NPIPB2: variants seen among roughly 807,000 people sequenced by gnomAD.
NPIPB2 encodes the protein nuclear pore complex interacting protein family member B2.
Under a neutral mutation model 30.8 loss-of-function variants are expected in NPIPB2, and 27 were observed. That is an observed-to-expected ratio of 0.88 (90% CI 0.65 to 1.21). NPIPB2 has a LOEUF of 1.21. Ranked by LOEUF, NPIPB2 falls within the 50% of genes most tolerant of loss-of-function variation. The pLI is 0.00. For synonymous variants in NPIPB2, 147 were observed against 162.0 expected (o/e 0.91, Z 0.70); for missense variants, 440 against 446.2 (o/e 0.99, Z 0.13).
chr16:11,971,929 G>A (rs545118904), intron 1 of NPIPB2, among the ~76,000 whole-genome samples: 1 of 151,278 alleles, frequency 6.6e-6, no homozygotes, highest in South Asian at 2.1e-4. Context: ...GGTGGATCAC[G>A]AGGTCAGGAG....
exon 5 of NPIPB2, chr16:11,930,505 C>T (rs780183005): frequency 2.5e-6 from 4 of 1,587,626 alleles, no homozygotes; most frequent in Admixed American, 1.7e-5. Flanking sequence ...GCCTCTGACA[C>T]CTGCCTCTCC....
chr16:11,972,635 G>A (rs967353314), intron 1 of NPIPB2, among the ~76,000 whole-genome samples: 1 of 152,126 alleles, frequency 6.6e-6, no homozygotes, highest in African/African-American at 2.4e-5. Context: ...AGCACTTTGG[G>A]AGGCTGAGGC....
At chr16:11,972,507 G>A (rs920222328) in intron 1 of NPIPB2, among the ~76,000 whole-genome samples, 16 of 151,008 alleles carry the variant, frequency 1.1e-4, no homozygotes, top group African/African-American at 2.2e-4. Flanking sequence ...CCTGGGAGGC[G>A]GAGGTTGCAG....
At chr16:11,970,533 A>AT (rs139434065) in intron 1 of NPIPB2, among the ~76,000 whole-genome samples, 19 of 149,152 alleles carry the variant, frequency 1.3e-4, no homozygotes, top group South Asian at 2.1e-4. Flanking sequence ...TAAAATCAGC[A>AT]TTTTTTTTTT....
At chr16:11,952,293 A>T (rs2055074578) in intron 1 of NPIPB2, among the ~76,000 whole-genome samples, 2 of 151,746 alleles carry the variant, frequency 1.3e-5, no homozygotes, top group African/African-American at 4.8e-5. Flanking sequence ...GCTTGAAGTG[A>T]GCAGAGATCG....
rs1224992357 is a variant in NPIPB2, at chr16:11,941,212, A to G, written c.63+771T>C. The G allele has an allele frequency of 2.0e-6, 3 of 1,525,434 alleles. No individual in the cohort carries two copies. The East Asian group carries it at 7.7e-5, about 39-fold the overall frequency. The allele number at this position is 1,525,434 out of a possible 1,614,324, so 94.5% of individuals were successfully genotyped here. On this transcript the variant is annotated intron_variant, in intron 1 of 7. Coordinates refer to ENST00000399147, the Ensembl canonical transcript of NPIPB2. ...GATAAATTCCAGCAGGAGCCAAAAG[A>G]GGAGCCAAAAGAGCATCCACAGCAC...
chr16:11,940,348 CAAATAAAT>C (rs1227562956), intron 1 of NPIPB2, among the ~76,000 whole-genome samples: 1 of 119,458 alleles, frequency 8.4e-6, no homozygotes, highest in Non-Finnish European at 1.9e-5. Context: ...GAAACTGTCT[CAAATAAAT>C]AAATAAATAA....
chr16:11,950,650 G>A (rs2055053499), intron 1 of NPIPB2, among the ~76,000 whole-genome samples: 1 of 152,104 alleles, frequency 6.6e-6, no homozygotes, highest in African/African-American at 2.4e-5. Flanking sequence ...AAGCCTGGCT[G>A]TGAATAACAG....
intron 1 of NPIPB2, chr16:11,966,109 T>C: frequency 7.2e-7 from 1 of 1,389,368 alleles, no homozygotes; most frequent in South Asian, 1.5e-5. Context: ...AGACTTTGTC[T>C]CAAAATAAAT....
At chr16:11,966,240 G>A (rs150754620) in intron 1 of NPIPB2, 651 of 1,613,920 alleles carry the variant, frequency 4.0e-4, no homozygotes, top group Non-Finnish European at 5.3e-4. Flanking sequence ...CTCTGGACCT[G>A]TTTGGGACTG....
At chr16:11,957,294 A>G (rs1247560994) in intron 1 of NPIPB2, among the ~76,000 whole-genome samples, 1 of 150,974 alleles carries the variant, frequency 6.6e-6, no homozygotes, top group Non-Finnish European at 1.5e-5. Flanking sequence ...CCTCCCGAGT[A>G]GCTGGGACTA....
chr16:11,965,206 G>A (rs888178970), intron 1 of NPIPB2: 1 of 1,385,558 alleles, frequency 7.2e-7, no homozygotes, highest in East Asian at 2.3e-5. Context: ...AGCAGGCGAA[G>A]TTCATTGTTC....
At position 11,927,673 on chromosome 16, in the gene NPIPB2, C is replaced by T. The variant is rs1266448736; in HGVS notation, c.894G>A (p.Lys298=). Reference sequence around the variant, plus strand: ...GAGTGAGCAGACACTCGGGAGGTGTCTTGAGATTATCATCCGCTGAGGGTG... The same window carrying T: ...GAGTGAGCAGACACTCGGGAGGTGTTTTGAGATTATCATCCGCTGAGGGTG... Residue 298 remains lysine (K), a synonymous_variant, in exon 8 of 8, where the codon AAG becomes AAA. Transcript: ENST00000399147. 4 of 1,597,944 alleles carry T rather than the reference C, an allele frequency of 2.5e-6. No individual in the cohort carries two copies. The Admixed American group carries it at 5.0e-5, about 20-fold the overall frequency.
At chr16:11,975,416 G>A (rs2055277499) in intron 1 of NPIPB2, among the ~76,000 whole-genome samples, 2 of 151,568 alleles carry the variant, frequency 1.3e-5, no homozygotes, top group East Asian at 2.0e-4. Context: ...CAAAGTGCTG[G>A]GATTACAGGC....
intron 1 of NPIPB2, chr16:11,968,131 G>A (rs949729898): frequency 1.8e-5 from 6 of 341,170 alleles, no homozygotes; most frequent in Non-Finnish European, 3.2e-5. Flanking sequence ...TGGGGGGTGA[G>A]GGTGGGAGAG....
intron 1 of NPIPB2, among the ~76,000 whole-genome samples, chr16:11,961,778 T>TA (rs760800876): frequency 1.8e-3 from 227 of 125,562 alleles, no homozygotes; most frequent in African/African-American, 2.5e-3. Flanking sequence ...AGACCCTGTT[T>TA]AAAAAAAAAA....
chr16:11,948,681 G>C (rs1217163463), intron 1 of NPIPB2, among the ~76,000 whole-genome samples: 2 of 149,762 alleles, frequency 1.3e-5, no homozygotes, highest in African/African-American at 2.4e-5. Context: ...GCAGGAGAAT[G>C]GCGTGAACCC....
intron 1 of NPIPB2, among the ~76,000 whole-genome samples, chr16:11,975,493 C>T (rs755641236): frequency 3.3e-5 from 5 of 152,032 alleles, no homozygotes; most frequent in African/African-American, 9.7e-5. Flanking sequence ...TAGACAGGCA[C>T]CATGTCTTGC....
intron 1 of NPIPB2, among the ~76,000 whole-genome samples, chr16:11,972,484 A>G (rs779694400): frequency 1.1e-4 from 16 of 152,136 alleles, no homozygotes; most frequent in Admixed American, 4.6e-4. Flanking sequence ...GTGAGGCACA[A>G]GAATCACCTG....
Sources: gnomAD v4.1 joint callset for allele counts (sites outside exome capture counted in the v4.1 genomes callset) on GRCh38, gnomAD v4.1.1 for gene constraint, MANE v1.5 for transcripts, NCBI Gene and HGNC (gene_info 2026-07-23, HGNC 2026-07-21) for gene names.